AMOTL1: variants seen among roughly 807,000 people sequenced by gnomAD.
AMOTL1 encodes angiomotin-like protein 1.
A neutral mutation model predicts 102.9 loss-of-function variants in AMOTL1; 45 were observed. The ratio of observed to expected loss-of-function variants is 0.44; its 90% CI spans 0.34 to 0.56. The LOEUF is 0.56. AMOTL1 is among the 20% of genes least tolerant of loss of function. AMOTL1 has a pLI of 0.01. For synonymous variants in AMOTL1, 481 were observed against 484.7 expected, an observed-to-expected ratio of 0.99 and a Z score of 0.10; for missense variants, 1,114 against 1,225.6, an observed-to-expected ratio of 0.91 and a Z score of 1.36.
chr11:94,786,794 G>A (rs1296122724), intron 1 of AMOTL1, among the ~76,000 whole-genome samples: 1 of 152,156 alleles, frequency 6.6e-6, no homozygotes, highest in Non-Finnish European at 1.5e-5. Flanking sequence ...TTAACTTTGA[G>A]CTAAGCTCTG....
intron 1 of AMOTL1, among the ~76,000 whole-genome samples, chr11:94,716,524 G>A (rs1276530280): frequency 6.6e-6 from 1 of 152,014 alleles, no homozygotes; most frequent in Non-Finnish European, 1.5e-5. Context: ...ATAAGTTCTG[G>A]TCTACTTTTG....
At chr11:94,781,189 G>A (rs948303055) in intron 1 of AMOTL1, among the ~76,000 whole-genome samples, 1 of 151,842 alleles carries the variant, frequency 6.6e-6, no homozygotes, top group African/African-American at 2.4e-5. Flanking sequence ...GGACCCGAAG[G>A]TGCATTCTTG....
At chr11:94,804,552 A>G (rs79897391) in intron 3 of AMOTL1, among the ~76,000 whole-genome samples, 2 of 152,324 alleles carry the variant, frequency 1.3e-5, no homozygotes, top group African/African-American at 4.8e-5. Flanking sequence ...TTGGCCTCCC[A>G]AAGTGTTAAG....
At chr11:94,735,043 G>A (rs1347007659) in intron 2 of AMOTL1, among the ~76,000 whole-genome samples, 1 of 152,228 alleles carries the variant, frequency 6.6e-6, no homozygotes, top group Non-Finnish European at 1.5e-5. Context: ...AAGCATATCT[G>A]TGTGAGACTC....
upstream of AMOTL1, among the ~76,000 whole-genome samples, chr11:94,768,096 A>C (rs924588914): frequency 1.3e-5 from 2 of 152,178 alleles, no homozygotes; most frequent in Non-Finnish European, 2.9e-5. Flanking sequence ...TGAGTCTGAA[A>C]TTAATCAAAA....
At chr11:94,767,006 C>G (rs1950862703), upstream of AMOTL1, among the ~76,000 whole-genome samples, 1 of 152,122 alleles carries the variant, frequency 6.6e-6, no homozygotes, top group African/African-American at 2.4e-5. Context: ...GCTGCCTTTT[C>G]CTCTTTCTGC....
In AMOTL1 at chr11:94,729,169, C is replaced by T; in HGVS notation, c.85+114C>T. The T allele has an allele frequency of 5.7e-6, 4 of 702,802 alleles. 1 individual carries two copies. Among genetic ancestry groups the T allele is most frequent in the South Asian group, 1.7e-5 (1 of 57,880 alleles). 43.5% of individuals were successfully genotyped at this position (702,802 alleles called of 1,614,324 possible). A position where few individuals can be genotyped will look rare whatever the true frequency, so the allele number is the denominator to read the frequency against. ...ACGCTGTTTGTCTTTTCAAAAGCAG[C>T]TGAGTGGAGAGGAGAGGGAATGGAC... On this transcript the variant is annotated intron_variant, in intron 2 of 4. Coordinates refer to the AMOTL1 transcript ENST00000299004.
At chr11:94,784,347 A>G (rs1280591709) in intron 1 of AMOTL1, among the ~76,000 whole-genome samples, 1 of 152,196 alleles carries the variant, frequency 6.6e-6, no homozygotes, top group African/African-American at 2.4e-5. Context: ...TCACAGCTTT[A>G]TCTCATCATG....
intron 4 of AMOTL1, among the ~76,000 whole-genome samples, chr11:94,825,089 ATT>A (rs892039364): frequency 6.6e-6 from 1 of 151,740 alleles, no homozygotes; most frequent in Non-Finnish European, 1.5e-5. Flanking sequence ...CCTTTTGGTT[ATT>A]TTTTTTGCAT....
chr11:94,818,920 T>A (rs1345658594), intron 3 of AMOTL1, among the ~76,000 whole-genome samples: 1 of 152,214 alleles, frequency 6.6e-6, no homozygotes, highest in Non-Finnish European at 1.5e-5. Context: ...TAAACCACTT[T>A]CATACCTGCC....
intron 3 of AMOTL1, among the ~76,000 whole-genome samples, chr11:94,762,072 T>C (rs1950800707): frequency 6.6e-6 from 1 of 152,224 alleles, no homozygotes; most frequent in African/African-American, 2.4e-5. Context: ...CTCAGTATGA[T>C]TCCAGTTTTA....
intron 1 of AMOTL1, among the ~76,000 whole-genome samples, chr11:94,711,383 A>G (rs1950019984): frequency 6.6e-6 from 1 of 152,158 alleles, no homozygotes; most frequent in South Asian, 2.1e-4. Flanking sequence ...TTACATACCT[A>G]TAGTACAATA....
intron 6 of AMOTL1, among the ~76,000 whole-genome samples, chr11:94,837,210 TTAC>T (rs892682941): frequency 2.0e-5 from 3 of 152,294 alleles, no homozygotes; most frequent in Non-Finnish European, 4.4e-5. Flanking sequence ...TCCTGGTGTC[TTAC>T]TAACAGGCTC....
intron 2 of AMOTL1, among the ~76,000 whole-genome samples, chr11:94,731,444 G>A (rs1380099615): frequency 6.6e-6 from 1 of 152,162 alleles, no homozygotes; most frequent in African/African-American, 2.4e-5. Context: ...GAAAGGTGCA[G>A]GTCCTCAGAG....
rs190016786 is a variant in AMOTL1, at chr11:94,795,900, A to G, written c.199+740A>G. Among the ~76,000 whole-genome samples the G allele has an allele frequency of 1.1e-4, 17 of 152,276 alleles. No homozygotes were observed. In the East Asian group the frequency reaches 2.7e-3, roughly 24 times the overall value. ...TAAGTCTTTCAGATCAGTTACCCTG[A>G]GGGGAGGACTGTGTCCTCTTTACTT... is the stretch of plus-strand genomic sequence containing the variant. On this transcript the variant is annotated intron_variant, in intron 2 of 12. Transcript: ENST00000433060.
At chr11:94,762,861 C>A (rs1278291676) in intron 3 of AMOTL1, among the ~76,000 whole-genome samples, 1 of 152,114 alleles carries the variant, frequency 6.6e-6, no homozygotes, top group Non-Finnish European at 1.5e-5. Context: ...GCAGTCAAGC[C>A]AGAAGAGACT....
At position 94,864,743 on chromosome 11, in the gene AMOTL1, C is replaced by T. The variant is rs535040317; in HGVS notation, c.2144C>T (p.Thr715Met). Reference sequence around the variant, plus strand: ...TATCCTTGTGTTGCCAGGGACACCACGATCATCAACCACTCACGGAATGGC... The same window carrying T: ...TATCCTTGTGTTGCCAGGGACACCATGATCATCAACCACTCACGGAATGGC... The part of the protein sequence containing the change: ...AATAAAERDT[T>M]IINHSRNGSY... The change falls in exon 10 of 13, where the codon ACG becomes ATG. Residue 715 changes from threonine to methionine, a missense_variant. Transcript: ENST00000433060. The T allele has an allele frequency of 5.6e-6, 9 of 1,613,212 alleles. No individual in the cohort carries two copies. Among genetic ancestry groups the T allele is most frequent in the East Asian group, 4.5e-5 (2 of 44,864 alleles).
At chr11:94,790,514 G>C (rs1241412619) in intron 1 of AMOTL1, among the ~76,000 whole-genome samples, 1 of 152,116 alleles carries the variant, frequency 6.6e-6, no homozygotes, top group Non-Finnish European at 1.5e-5. Context: ...GTAGTTAGGG[G>C]TGCATGTGAA....
intron 1 of AMOTL1, among the ~76,000 whole-genome samples, chr11:94,719,706 C>A (rs1348249270): frequency 6.6e-6 from 1 of 152,046 alleles, no homozygotes; most frequent in South Asian, 2.1e-4. Context: ...GATGAGTGAG[C>A]CTTCTCACTT....
Sources: allele counts gnomAD v4.1 joint callset (sites outside exome capture counted in the v4.1 genomes callset), GRCh38; gene constraint gnomAD v4.1.1; transcripts MANE v1.5; gene names NCBI Gene and HGNC (gene_info 2026-07-23, HGNC 2026-07-21).